Variants in SRPK2 observed in about 807,000 individuals in gnomAD.
SRPK2 encodes SFRS protein kinase 2.
In SRPK2, 21 loss-of-function variants were observed where a neutral mutation model predicts 90.8. The ratio of observed to expected loss-of-function variants is 0.23; its 90% CI spans 0.16 to 0.33. The LOEUF is 0.33. Among genes scored for constraint, SRPK2 ranks in the 10% least tolerant of loss-of-function variants. The pLI, the probability that SRPK2 is intolerant of heterozygous loss-of-function variation, is 1.00. For missense variants in SRPK2, 620 were observed against 869.0 expected, an observed-to-expected ratio of 0.71 and a Z score of 3.60; for synonymous variants, 288 against 311.1, an observed-to-expected ratio of 0.93 and a Z score of 0.78.
chr7:105,236,557 G>C (rs1328073244), intron 2 of SRPK2, among the ~76,000 whole-genome samples: 2 of 151,938 alleles, frequency 1.3e-5, no homozygotes, highest in Non-Finnish European at 2.9e-5. Context: ...TTACAGATGA[G>C]GAAATAGGTT....
intron 2 of SRPK2, among the ~76,000 whole-genome samples, chr7:105,265,280 T>A (rs1432893481): frequency 6.6e-6 from 1 of 152,170 alleles, no homozygotes; most frequent in African/African-American, 2.4e-5. Flanking sequence ...ATAATACAAA[T>A]TTTTAAACTA....
chr7:105,289,072 T>C (rs567801070), intron 2 of SRPK2, among the ~76,000 whole-genome samples: 65 of 128,930 alleles, frequency 5.0e-4, no homozygotes, highest in Non-Finnish European at 4.7e-5. Flanking sequence ...TTGGCTAACA[T>C]GGTGAAACCC....
chr7:105,390,728 C>T (rs1822155692), upstream of SRPK2, among the ~76,000 whole-genome samples: 3 of 148,674 alleles, frequency 2.0e-5, no homozygotes, highest in Admixed American at 2.0e-4. Flanking sequence ...GCTAGGATTA[C>T]AGGCCTGAGC....
chr7:105,393,094 A>G (rs1282420384), upstream of SRPK2, among the ~76,000 whole-genome samples: 2 of 152,062 alleles, frequency 1.3e-5, no homozygotes, highest in Non-Finnish European at 2.9e-5. Flanking sequence ...TCCAGGCTCA[A>G]GTGATTCTCC....
intron 2 of SRPK2, among the ~76,000 whole-genome samples, chr7:105,376,233 G>C (rs1207708251): frequency 6.6e-6 from 1 of 151,658 alleles, no homozygotes; most frequent in Non-Finnish European, 1.5e-5. Flanking sequence ...TCCTGACCTT[G>C]TGATCCGCCC....
intron 2 of SRPK2, among the ~76,000 whole-genome samples, chr7:105,374,896 T>C (rs1820115284): frequency 6.6e-6 from 1 of 152,036 alleles, no homozygotes; most frequent in African/African-American, 2.4e-5. Context: ...CTTGAGCCAC[T>C]GCACCCAGCC....
chr7:105,241,166 A>G (rs1298496979), intron 2 of SRPK2, among the ~76,000 whole-genome samples: 1 of 152,226 alleles, frequency 6.6e-6, no homozygotes, highest in Non-Finnish European at 1.5e-5. Context: ...TTAGATGGTG[A>G]CATATTGAGG....
At chr7:105,259,543 T>C (rs538925359) in intron 2 of SRPK2, among the ~76,000 whole-genome samples, 11 of 152,120 alleles carry the variant, frequency 7.2e-5, no homozygotes, top group Non-Finnish European at 1.5e-4. Flanking sequence ...TACTTTAAAG[T>C]TCATATGGAA....
chr7:105,203,503 A>AG (rs1168546116), intron 3 of SRPK2, 125 bp downstream of exon 3: 1 of 1,001,832 alleles, frequency 1.0e-6, no homozygotes, highest in East Asian at 2.9e-5. Context: ...TGACACAAGG[A>AG]GGCTAATTTA....
Position 105,142,098 on chromosome 7 carries a change from C to T in SRPK2, c.1453G>A (p.Gly485Arg). ...PVACGSVLSEGSPLTEQEESS... is the reference protein window; with the variant it reads ...PVACGSVLSERSPLTEQEESS... The stretch of plus-strand genomic sequence containing the variant: ...TCCTCTTGCTCAGTAAGTGGTGATC[C>T]CTCAGAAAGCACAGAGCCGCAGGCC... Residue 485 changes from glycine (G) to arginine (R), a missense_variant, in exon 11 of 16, where the codon GGA (glycine) becomes AGA (arginine). Gly to Arg is a moderately radical substitution (Grantham distance 125, BLOSUM62 -2). Coordinates refer to ENST00000393651, the MANE Select transcript of SRPK2 (RefSeq NM_182692.3). 6.2e-7 allele frequency: 1 copy of T among 1,614,092 alleles called. No homozygotes were observed. Among genetic ancestry groups the T allele is most frequent in the Non-Finnish European group, 8.5e-7 (1 of 1,180,014 alleles).
At chr7:105,156,512 G>GT (rs1246821667) in intron 7 of SRPK2, among the ~76,000 whole-genome samples, 1 of 151,958 alleles carries the variant, frequency 6.6e-6, no homozygotes, top group Non-Finnish European at 1.5e-5. Flanking sequence ...TTTGTTTTTT[G>GT]TTTTTAAAGA....
At position 105,117,521 on chromosome 7, in the gene SRPK2, C is replaced by A; in HGVS notation, c.*317G>T. 3.6e-6 allele frequency: 1 copy of A among 276,812 alleles called. No homozygotes were observed. The highest frequency in any genetic ancestry group is 6.8e-6 in the Non-Finnish European group (1 of 148,038). The allele number at this position is 276,812 out of a possible 1,614,324, so 17.1% of individuals were successfully genotyped here. A position where few individuals can be genotyped will look rare whatever the true frequency, so the allele number is the denominator to read the frequency against. On this transcript the variant is annotated 3_prime_UTR_variant, in exon 16 of 16. Transcript: ENST00000393651. ...TAAATAGTTACAAAACCTGCCAAAA[C>A]ACAAAGGGGAAAGTATTTTTCATTC... is the stretch of plus-strand genomic sequence containing the variant.
chr7:105,338,286 G>A (rs901368050), intron 2 of SRPK2, among the ~76,000 whole-genome samples: 5 of 151,930 alleles, frequency 3.3e-5, no homozygotes, highest in Non-Finnish European at 2.9e-5. Flanking sequence ...AGTCTCCCAG[G>A]CTGCAGTAGC....
chr7:105,393,286 G>A (rs1270224734), upstream of SRPK2, among the ~76,000 whole-genome samples: 2 of 148,708 alleles, frequency 1.3e-5, no homozygotes, highest in African/African-American at 2.6e-5. Context: ...TTGAGCCACC[G>A]CGTCCAGCCT....
chr7:105,344,195 C>T (rs1452629931), intron 2 of SRPK2, among the ~76,000 whole-genome samples: 1 of 152,118 alleles, frequency 6.6e-6, no homozygotes, highest in East Asian at 1.9e-4. Context: ...CTCTCAAAAA[C>T]ACTCCAACTC....
chr7:105,146,890 G>T (rs780898957), intron 7 of SRPK2, among the ~76,000 whole-genome samples: 23 of 152,156 alleles, frequency 1.5e-4, no homozygotes, highest in Non-Finnish European at 2.6e-4. Context: ...GGAAGCAAAT[G>T]CATCTACATA....
intron 13 of SRPK2, among the ~76,000 whole-genome samples, chr7:105,131,683 A>C (rs1802027322): frequency 2.6e-5 from 4 of 152,228 alleles, no homozygotes; most frequent in African/African-American, 9.7e-5. Flanking sequence ...AGAGGAGGTA[A>C]AACACAGTAA....
chr7:105,267,816 T>C (rs988001048), intron 2 of SRPK2, among the ~76,000 whole-genome samples: 8 of 152,132 alleles, frequency 5.3e-5, no homozygotes, highest in African/African-American at 1.9e-4. Context: ...CCACATTATT[T>C]CTCCATTATT....
intron 10 of SRPK2, 53 bp from the exon 11 acceptor site, chr7:105,142,543 C>A: frequency 6.5e-7 from 1 of 1,537,672 alleles, no homozygotes; most frequent in South Asian, 1.3e-5. Context: ...CTTAATACAG[C>A]CTCATTAAGT....
Sources: allele counts gnomAD v4.1 joint callset (sites outside exome capture counted in the v4.1 genomes callset), GRCh38; gene constraint gnomAD v4.1.1; transcripts MANE v1.5; gene names NCBI Gene and HGNC (gene_info 2026-07-23, HGNC 2026-07-21).